ELAVL4: variants seen among roughly 807,000 people sequenced by gnomAD.
The protein encoded by ELAVL4 is ELAV like RNA binding protein 4.
Under a neutral mutation model 35.6 loss-of-function variants are expected in ELAVL4, and 1 was observed. The observed-to-expected ratio is 0.03, with a 90% confidence interval of 0.01 to 0.13. The LOEUF (loss-of-function observed/expected upper bound fraction) is 0.13, where lower values mean the gene tolerates loss of function less well. ELAVL4 is among the 10% of genes least tolerant of loss of function. ELAVL4 has a pLI of 1.00. For missense variants in ELAVL4, 267 were observed against 464.9 expected (o/e 0.57, Z 3.91); for synonymous variants, 156 against 171.0 (o/e 0.91, Z 0.69).
chr1:50,177,998 G>A (rs1680349230), intron 3 of ELAVL4, among the ~76,000 whole-genome samples: 1 of 152,194 alleles, frequency 6.6e-6, no homozygotes, highest in Non-Finnish European at 1.5e-5. Flanking sequence ...TCACCTATGG[G>A]ATCCTTCAGG....
chr1:50,200,576 C>T (rs1644340902), intron 6 of ELAVL4, among the ~76,000 whole-genome samples: 1 of 152,174 alleles, frequency 6.6e-6, no homozygotes, highest in African/African-American at 2.4e-5. Context: ...AGAACTGTTA[C>T]AGAGCCTTGC....
intron 1 of ELAVL4, among the ~76,000 whole-genome samples, chr1:50,086,070 TC>T (rs1665226775): frequency 6.6e-6 from 1 of 152,172 alleles, no homozygotes; most frequent in Admixed American, 6.6e-5. Context: ...AAAGCAGTGA[TC>T]TTTTTTTTTG....
chr1:50,134,676 A>G (rs891486026), intron 1 of ELAVL4, among the ~76,000 whole-genome samples: 8 of 152,158 alleles, frequency 5.3e-5, no homozygotes, highest in Admixed American at 2.0e-4. Flanking sequence ...TATTGAAAGT[A>G]CGGTACTGTA....
At chr1:50,111,303 A>G (rs1667038072) in intron 1 of ELAVL4, among the ~76,000 whole-genome samples, 1 of 151,678 alleles carries the variant, frequency 6.6e-6, no homozygotes, top group African/African-American at 2.4e-5. Flanking sequence ...AATCGCAAGG[A>G]ATCCTGTGAG....
At chr1:50,198,083 G>T (rs1010667636) in intron 6 of ELAVL4, among the ~76,000 whole-genome samples, 2 of 152,146 alleles carry the variant, frequency 1.3e-5, no homozygotes, top group Non-Finnish European at 2.9e-5. Flanking sequence ...TTTGTTACAG[G>T]TTTTAACAGT....
At position 50,137,174 on chromosome 1, in the gene ELAVL4, T is replaced by C. The variant is rs1298622847; in HGVS notation, c.10-7783T>C. On this transcript the variant is annotated intron_variant, in intron 1 of 6. Coordinates refer to ENST00000371824, the MANE Select transcript of ELAVL4 (RefSeq NM_001144774.3). ...CAGGCTTGAATGGGAAGGAACAGTT[T>C]GTGGACTTTCCATCTTTATTTTTAT... 2.0e-5 allele frequency among the ~76,000 whole-genome samples: 3 copies of C among 152,170 alleles called. No homozygotes were observed. The East Asian group carries it at 5.8e-4, about 29-fold the overall frequency.
At chr1:50,083,600 T>C (rs970604525) in intron 1 of ELAVL4, among the ~76,000 whole-genome samples, 27 of 152,186 alleles carry the variant, frequency 1.8e-4, no homozygotes, top group Admixed American at 9.2e-4. Context: ...CTGGGTCTAC[T>C]AGTTAGTTTT....
At chr1:50,104,773 A>G (rs1227887840), upstream of ELAVL4, among the ~76,000 whole-genome samples, 4 of 152,216 alleles carry the variant, frequency 2.6e-5, no homozygotes, top group Non-Finnish European at 5.9e-5. Context: ...AATATAAGTG[A>G]TGTAATTTAT....
chr1:50,147,950 G>A (rs1674031011), intron 2 of ELAVL4, among the ~76,000 whole-genome samples: 1 of 152,172 alleles, frequency 6.6e-6, no homozygotes, highest in African/African-American at 2.4e-5. Flanking sequence ...TTACCAGCAG[G>A]CTAGATTCAT....
intron 1 of ELAVL4, 152 bp from the exon 2 acceptor site, chr1:50,144,805 G>T (rs141027881): frequency 9.4e-6 from 11 of 1,167,980 alleles, no homozygotes; most frequent in Admixed American, 1.7e-5. Context: ...TTAAAAACAT[G>T]CTTCTAAATT....
chr1:50,149,061 C>T (rs376653280), intron 2 of ELAVL4, among the ~76,000 whole-genome samples: 52 of 151,558 alleles, frequency 3.4e-4, no homozygotes, highest in East Asian at 3.3e-3. Flanking sequence ...ATCTTGTTAC[C>T]GCCCCAAAAC....
chr1:50,198,051 T>G (rs1644164076), intron 6 of ELAVL4, among the ~76,000 whole-genome samples: 1 of 152,230 alleles, frequency 6.6e-6, no homozygotes, highest in South Asian at 2.1e-4. Context: ...TGTATCTGTG[T>G]GCACCTCAAC....
intron 3 of ELAVL4, among the ~76,000 whole-genome samples, chr1:50,190,131 G>T (rs890216269): frequency 1.3e-5 from 2 of 152,194 alleles, no homozygotes; most frequent in Non-Finnish European, 2.9e-5. Context: ...GTCAGTGCTG[G>T]CCTAGAGATG....
At chr1:50,110,245 ACAAT>A (rs1666841182) in intron 1 of ELAVL4, among the ~76,000 whole-genome samples, 1 of 152,114 alleles carries the variant, frequency 6.6e-6, no homozygotes, top group African/African-American at 2.4e-5. Flanking sequence ...GTCTTTTTTG[ACAAT>A]CAATGTCACC....
chr1:50,048,682 T>C (rs1372180592), intron 1 of ELAVL4, among the ~76,000 whole-genome samples: 2 of 152,208 alleles, frequency 1.3e-5, no homozygotes, highest in Admixed American at 1.3e-4. Flanking sequence ...TCTGTGTGAC[T>C]TTCGCTAATT....
chr1:50,062,173 G>T (rs1338771910), intron 1 of ELAVL4, among the ~76,000 whole-genome samples: 1 of 152,158 alleles, frequency 6.6e-6, no homozygotes, highest in Non-Finnish European at 1.5e-5. Flanking sequence ...GTATATAGAT[G>T]AATAACATAG....
chr1:50,154,754 G>T (rs1224049627), intron 2 of ELAVL4, among the ~76,000 whole-genome samples: 2 of 63,676 alleles, frequency 3.1e-5, no homozygotes, highest in East Asian at 2.5e-3. Context: ...GTTATATTTT[G>T]TGTGTGTGTG....
At chr1:50,052,345 T>G (rs954737916) in intron 1 of ELAVL4, among the ~76,000 whole-genome samples, 2 of 152,134 alleles carry the variant, frequency 1.3e-5, no homozygotes. Flanking sequence ...CCCACACTTT[T>G]TGTGTGTAAA....
At chr1:50,172,178 A>G (rs1679128593) in intron 2 of ELAVL4, among the ~76,000 whole-genome samples, 1 of 152,108 alleles carries the variant, frequency 6.6e-6, no homozygotes, top group Non-Finnish European at 1.5e-5. Flanking sequence ...CATCAACCAT[A>G]AGGATGTCAG....
Sources: allele counts gnomAD v4.1 joint callset (sites outside exome capture counted in the v4.1 genomes callset), GRCh38; gene constraint gnomAD v4.1.1; transcripts MANE v1.5; gene names NCBI Gene and HGNC (gene_info 2026-07-23, HGNC 2026-07-21).